The following NMNAT3 variants were observed in gnomAD, a reference collection of about 807,000 sequenced individuals.
NMNAT3 encodes the protein nicotinamide nucleotide adenylyltransferase 3, also known as nicotinamide/nicotinic acid mononucleotide adenylyltransferase 3.
A neutral mutation model predicts 24.8 loss-of-function variants in NMNAT3; 21 were observed. That is an observed-to-expected ratio of 0.85 (90% CI 0.60 to 1.22). NMNAT3 has a LOEUF of 1.22. Among genes scored for constraint, NMNAT3 ranks in the 50% most tolerant of loss-of-function variants. The pLI is 0.00. For synonymous variants in NMNAT3, 136 were observed against 155.2 expected, an observed-to-expected ratio of 0.88 and a Z score of 0.92; for missense variants, 387 against 436.6, an observed-to-expected ratio of 0.89 and a Z score of 1.01.
chr3:139,585,672 G>A (rs1553742410), intron 3 of NMNAT3, among the ~76,000 whole-genome samples: 2 of 152,170 alleles, frequency 1.3e-5, no homozygotes. Context: ...CCTGGCTTGA[G>A]TTTTTTTGGC....
chr3:139,646,723 G>A (rs1576734587), intron 1 of NMNAT3, among the ~76,000 whole-genome samples: 2 of 152,348 alleles, frequency 1.3e-5, no homozygotes, highest in African/African-American at 4.8e-5. Context: ...TTTAATTTAT[G>A]AGCATGCAGG....
At chr3:139,596,613 C>G (rs1039986552) in intron 3 of NMNAT3, among the ~76,000 whole-genome samples, 20 of 152,132 alleles carry the variant, frequency 1.3e-4, no homozygotes, top group African/African-American at 3.9e-4. Flanking sequence ...TTTGATATCT[C>G]TGAAAGCTTT....
intron 2 of NMNAT3, among the ~76,000 whole-genome samples, chr3:139,631,487 T>C (rs1240757902): frequency 6.6e-6 from 1 of 152,170 alleles, no homozygotes; most frequent in Non-Finnish European, 1.5e-5. Context: ...GGGAGACTTC[T>C]GCTATTGGGG....
intron 5 of NMNAT3, among the ~76,000 whole-genome samples, chr3:139,574,592 T>C (rs1220209967): frequency 6.6e-6 from 1 of 152,220 alleles, no homozygotes; most frequent in Non-Finnish European, 1.5e-5. Flanking sequence ...ATGCATTTAC[T>C]AGAACTGTAT....
intron 3 of NMNAT3, among the ~76,000 whole-genome samples, chr3:139,592,303 G>A (rs1419873002): frequency 6.6e-6 from 1 of 152,218 alleles, no homozygotes; most frequent in Non-Finnish European, 1.5e-5. Context: ...AAGTGTCCAA[G>A]AAATATGGGA....
chr3:139,652,986 G>A (rs1442355885), intron 1 of NMNAT3, among the ~76,000 whole-genome samples: 1 of 152,094 alleles, frequency 6.6e-6, no homozygotes, highest in Non-Finnish European at 1.5e-5. Flanking sequence ...AGTACAAAAT[G>A]GGTTTCATGA....
chr3:139,610,848 A>G (rs1218053988), intron 3 of NMNAT3, among the ~76,000 whole-genome samples: 1 of 152,220 alleles, frequency 6.6e-6, no homozygotes, highest in Non-Finnish European at 1.5e-5. Context: ...TAAAATCACC[A>G]AGGTAGCAAA....
At chr3:139,655,287 C>T (rs977361294) in intron 1 of NMNAT3, among the ~76,000 whole-genome samples, 4 of 152,100 alleles carry the variant, frequency 2.6e-5, no homozygotes, top group Non-Finnish European at 4.4e-5. Context: ...TAAGCCTCTG[C>T]GTGGTTTTAT....
chr3:139,643,743 C>T (rs2056783083), intron 1 of NMNAT3, among the ~76,000 whole-genome samples: 1 of 152,106 alleles, frequency 6.6e-6, no homozygotes, highest in South Asian at 2.1e-4. Context: ...GGAAGGAACA[C>T]TTATTGTTTA....
intron 1 of NMNAT3, among the ~76,000 whole-genome samples, chr3:139,649,287 G>C (rs891645066): frequency 2.0e-5 from 3 of 151,716 alleles, no homozygotes; most frequent in Admixed American, 6.6e-5. Context: ...GAAGTTTCCT[G>C]TAACCCAGCT....
chr3:139,677,482 G>A (rs1172515075), intron 1 of NMNAT3, among the ~76,000 whole-genome samples: 2 of 152,218 alleles, frequency 1.3e-5, no homozygotes, highest in Admixed American at 6.5e-5. Context: ...AGGGGAGCTG[G>A]GGGTTAGGTT....
In NMNAT3 at chr3:139,666,561, C is replaced by T. The variant is rs546482437; in HGVS notation, c.-141+11144G>A. Among the ~76,000 whole-genome samples the T allele has an allele frequency of 2.6e-5, 4 of 152,286 alleles. No individual in the cohort carries two copies. The South Asian group carries it at 8.3e-4, about 32-fold the overall frequency. On this transcript the variant is annotated intron_variant, in intron 1 of 6. Coordinates refer to ENST00000643695, the MANE Select transcript of NMNAT3 (RefSeq NM_001320510.2). ...GTGTAATGATGAAGAAATCCATAAC[C>T]TCAAATATTTACCATCTTTATGTTG... is the stretch of plus-strand genomic sequence containing the variant.
chr3:139,630,222 T>G (rs1576689434), intron 2 of NMNAT3, among the ~76,000 whole-genome samples: 1 of 152,234 alleles, frequency 6.6e-6, no homozygotes, highest in African/African-American at 2.4e-5. Context: ...TCTGTCTCAT[T>G]GGCCAGAACT....
At chr3:139,598,018 G>A (rs947606698) in intron 3 of NMNAT3, among the ~76,000 whole-genome samples, 1 of 152,150 alleles carries the variant, frequency 6.6e-6, no homozygotes, top group Non-Finnish European at 1.5e-5. Context: ...CCAATATAAT[G>A]TCTTATCTGA....
chr3:139,572,999 A>C (rs538509644), intron 6 of NMNAT3, among the ~76,000 whole-genome samples: 11 of 152,312 alleles, frequency 7.2e-5, no homozygotes, highest in African/African-American at 2.6e-4. Flanking sequence ...GCATGAGAGC[A>C]TTATGCATTT....
At chr3:139,648,019 T>C (rs908345453) in intron 1 of NMNAT3, among the ~76,000 whole-genome samples, 2 of 152,164 alleles carry the variant, frequency 1.3e-5, no homozygotes, top group African/African-American at 4.8e-5. Context: ...AGGAGAGGGT[T>C]GAATGCAAGT....
Position 139,628,580 on chromosome 3 carries a change from T to C in NMNAT3, c.-40-816A>G, listed in dbSNP as rs1333467692. On this transcript the variant is annotated intron_variant, in intron 2 of 6. Transcript: ENST00000643695. ...GTCCTTTATCTGGGGCCCAAGCATT[T>C]TGAGAGGGTGCAGCCCACCCTCTGG... Among the ~76,000 whole-genome samples, 7 of 152,196 alleles carry C rather than the reference T, an allele frequency of 4.6e-5. 1 individual carries two copies. The highest frequency in any genetic ancestry group is 1.0e-4 in the Non-Finnish European group (7 of 68,028).
At chr3:139,671,896 A>G (rs1424597548) in intron 1 of NMNAT3, among the ~76,000 whole-genome samples, 3 of 152,150 alleles carry the variant, frequency 2.0e-5, no homozygotes, top group African/African-American at 7.2e-5. Context: ...GTTTCTCTTG[A>G]CCTGACCTGG....
intron 3 of NMNAT3, among the ~76,000 whole-genome samples, chr3:139,598,192 T>C (rs1174621977): frequency 6.6e-6 from 1 of 152,198 alleles, no homozygotes; most frequent in African/African-American, 2.4e-5. Context: ...GATGGTCTTT[T>C]CAAAACATGG....
Sources: allele counts gnomAD v4.1 joint callset (sites outside exome capture counted in the v4.1 genomes callset), GRCh38; gene constraint gnomAD v4.1.1; transcripts MANE v1.5; gene names NCBI Gene and HGNC (gene_info 2026-07-23, HGNC 2026-07-21).